Variants in CCSER2 observed in about 807,000 individuals in gnomAD.
CCSER2 encodes coiled-coil serine rich protein 2, also known as serine-rich coiled-coil domain-containing protein 2.
A neutral mutation model predicts 92.3 loss-of-function variants in CCSER2; 46 were observed. That is an observed-to-expected ratio of 0.50 (90% CI 0.39 to 0.64). CCSER2 has a LOEUF of 0.64. CCSER2 is among the 30% of genes least tolerant of loss of function. CCSER2 has a pLI of 0.00. For synonymous variants in CCSER2, 433 were observed against 431.4 expected (o/e 1.00, Z -0.04); for missense variants, 1,244 against 1,238.9 (o/e 1.00, Z -0.06).
intron 9 of CCSER2, among the ~76,000 whole-genome samples, chr10:84,496,548 G>GTGC (rs894053476): frequency 3.3e-5 from 5 of 152,076 alleles, no homozygotes; most frequent in Non-Finnish European, 4.4e-5. Flanking sequence ...GCCTCCCAAA[G>GTGC]TGCTGGGATT....
intron 8 of CCSER2, 114 bp downstream of exon 8, chr10:84,470,572 C>T (rs1329887508): frequency 1.2e-6 from 1 of 834,334 alleles, no homozygotes; most frequent in Non-Finnish European, 1.6e-6. Flanking sequence ...CAAAGTTGCA[C>T]TTTTATATTA....
intron 1 of CCSER2, among the ~76,000 whole-genome samples, chr10:84,347,592 C>T (rs962773412): frequency 2.0e-5 from 3 of 149,442 alleles, no homozygotes; most frequent in East Asian, 2.0e-4. Context: ...GCTGGCCTGG[C>T]GGGGGCTGAC....
chr10:84,363,149 T>A (rs1375622859), intron 1 of CCSER2, among the ~76,000 whole-genome samples: 2 of 141,156 alleles, frequency 1.4e-5, no homozygotes, highest in African/African-American at 5.2e-5. Context: ...ACCCAGCTAT[T>A]TTTTTTTTTT....
At chr10:84,347,645 C>T (rs1206144184) in intron 1 of CCSER2, among the ~76,000 whole-genome samples, 1 of 151,972 alleles carries the variant, frequency 6.6e-6, no homozygotes, top group Non-Finnish European at 1.5e-5. Context: ...GGCGGAGACG[C>T]TCCTGACTTC....
chr10:84,482,772 G>C (rs552518855), intron 9 of CCSER2, among the ~76,000 whole-genome samples: 7 of 152,204 alleles, frequency 4.6e-5, no homozygotes, highest in South Asian at 2.1e-4. Flanking sequence ...GGATCTACCT[G>C]ACCTGTCATG....
intron 6 of CCSER2, among the ~76,000 whole-genome samples, chr10:84,439,912 T>C (rs528926918): frequency 3.0e-4 from 45 of 152,314 alleles, no homozygotes; most frequent in Admixed American, 9.8e-4. Flanking sequence ...TTAGGAGTTT[T>C]AGTGTCAAAG....
chr10:84,364,442 G>T (rs1845672485), intron 1 of CCSER2, among the ~76,000 whole-genome samples: 1 of 152,080 alleles, frequency 6.6e-6, no homozygotes, highest in Non-Finnish European at 1.5e-5. Context: ...ATTGGCCCTG[G>T]AATCAGGTAA....
chr10:84,438,190 C>G (rs1157635412), intron 5 of CCSER2, among the ~76,000 whole-genome samples: 1 of 152,044 alleles, frequency 6.6e-6, no homozygotes, highest in East Asian at 1.9e-4. Flanking sequence ...ACAGTCAGTG[C>G]AGAAAAGGAA....
At chr10:84,422,643 A>G (rs529328835) in intron 4 of CCSER2, among the ~76,000 whole-genome samples, 1 of 152,268 alleles carries the variant, frequency 6.6e-6, no homozygotes, top group South Asian at 2.1e-4. Context: ...GGATACCTTG[A>G]AGTTCACCAG....
intron 7 of CCSER2, among the ~76,000 whole-genome samples, chr10:84,469,771 A>G (rs190496945): frequency 2.1e-4 from 32 of 152,238 alleles, no homozygotes; most frequent in East Asian, 1.9e-3. Context: ...TATAGATCCA[A>G]TTGAGAAGGT....
intron 9 of CCSER2, among the ~76,000 whole-genome samples, chr10:84,482,057 T>C (rs1204350749): frequency 1.3e-5 from 2 of 152,144 alleles, no homozygotes; most frequent in African/African-American, 4.8e-5. Context: ...CCTAATGATA[T>C]CTACTTACAT....
Position 84,372,301 on chromosome 10 carries a change from G to T in CCSER2, c.1249G>T (p.Asp417Tyr). Residue 417 changes from aspartate (D) to tyrosine (Y), a missense_variant, in exon 2 of 10, where the codon GAT becomes TAT. Physicochemically the swap from Asp to Tyr is radical, Grantham distance 160. Coordinates refer to ENST00000372088, the MANE Select transcript of CCSER2 (RefSeq NM_001284240.2). ...TGATTTAAGTGAAGACTTTAGTGAT[G>T]ATTTTATAGATATAGAAGACTCCAA... The part of the protein sequence containing the change: ...KNDLSEDFSD[D>Y]FIDIEDSNRT... The T allele has an allele frequency of 1.2e-6, 2 of 1,612,696 alleles. No homozygotes were observed. The highest frequency in any genetic ancestry group is 1.1e-5 in the South Asian group (1 of 90,972).
intron 6 of CCSER2, among the ~76,000 whole-genome samples, chr10:84,447,353 G>A (rs917973533): frequency 3.3e-5 from 5 of 152,102 alleles, no homozygotes; most frequent in African/African-American, 1.2e-4. Context: ...TAATAAAGTT[G>A]AACCTTTTTG....
intron 9 of CCSER2, among the ~76,000 whole-genome samples, chr10:84,502,367 CT>C (rs562377515): frequency 0.022 from 2,437 of 111,234 alleles, 31 homozygotes; most frequent in Admixed American, 0.069. Flanking sequence ...TTGATGACTT[CT>C]TTTTTTTTTT....
chr10:84,440,395 T>C (rs1351947440), intron 6 of CCSER2, among the ~76,000 whole-genome samples: 3 of 152,196 alleles, frequency 2.0e-5, no homozygotes, highest in Admixed American at 6.5e-5. Flanking sequence ...AAATTTCATG[T>C]CATTGCCTCT....
At chr10:84,412,043 C>G (rs1337780518) in intron 3 of CCSER2, among the ~76,000 whole-genome samples, 3 of 152,084 alleles carry the variant, frequency 2.0e-5, no homozygotes, top group Non-Finnish European at 4.4e-5. Flanking sequence ...TATCGAGGGT[C>G]TTTTCTGCAT....
chr10:84,361,814 A>G (rs549842250), intron 1 of CCSER2, among the ~76,000 whole-genome samples: 21 of 151,836 alleles, frequency 1.4e-4, no homozygotes, highest in Non-Finnish European at 1.5e-5. Context: ...CTAATTTTGT[A>G]TTTTGAGTAG....
At chr10:84,471,928 T>G (rs1221634997) in intron 8 of CCSER2, among the ~76,000 whole-genome samples, 1 of 152,096 alleles carries the variant, frequency 6.6e-6, no homozygotes, top group African/African-American at 2.4e-5. Flanking sequence ...AGTACTGAAT[T>G]TTTTATCTTC....
At chr10:84,396,794 T>G (rs1841866654) in intron 3 of CCSER2, among the ~76,000 whole-genome samples, 1 of 152,070 alleles carries the variant, frequency 6.6e-6, no homozygotes, top group Non-Finnish European at 1.5e-5. Context: ...GTCTTGGCCT[T>G]CCAAAGTGTC....
Sources: allele counts gnomAD v4.1 joint callset (sites outside exome capture counted in the v4.1 genomes callset), GRCh38; gene constraint gnomAD v4.1.1; transcripts MANE v1.5; gene names NCBI Gene and HGNC (gene_info 2026-07-23, HGNC 2026-07-21).